RPS6KA5: variants seen among roughly 807,000 people sequenced by gnomAD.
RPS6KA5 encodes ribosomal protein S6 kinase alpha-5.
Under a neutral mutation model 85.5 loss-of-function variants are expected in RPS6KA5, and 27 were observed. The observed-to-expected ratio is 0.32, with a 90% CI of 0.23 to 0.44. The LOEUF (loss-of-function observed/expected upper bound fraction) is 0.44. Ranked by LOEUF, RPS6KA5 falls within the 20% of genes least tolerant of loss-of-function variation. The probability of loss-of-function intolerance (pLI) is 1.00; values close to 1 mark genes in which losing one functional copy is unlikely to be tolerated. For synonymous variants in RPS6KA5, 334 were observed against 348.2 expected, an observed-to-expected ratio of 0.96 and a Z score of 0.46; for missense variants, 811 against 980.9, an observed-to-expected ratio of 0.83 and a Z score of 2.31.
At chr14:91,037,489 C>T (rs189065233) in intron 1 of RPS6KA5, among the ~76,000 whole-genome samples, 113 of 152,328 alleles carry the variant, frequency 7.4e-4, no homozygotes, top group African/African-American at 2.5e-3. Context: ...CTATCAACTC[C>T]AGCCTGTGTC....
intron 7 of RPS6KA5, among the ~76,000 whole-genome samples, chr14:90,919,735 AAAG>A (rs2036302787): frequency 6.6e-6 from 1 of 152,168 alleles, no homozygotes; most frequent in Non-Finnish European, 1.5e-5. Context: ...CTCTGAAAGA[AAAG>A]AAGAGAATAA....
At chr14:90,976,850 A>T (rs1173136910) in intron 3 of RPS6KA5, among the ~76,000 whole-genome samples, 1 of 152,232 alleles carries the variant, frequency 6.6e-6, no homozygotes, top group Admixed American at 6.5e-5. Flanking sequence ...ATGGCTCAAA[A>T]GGTGAATGCA....
At chr14:90,991,231 A>G (rs1486776489) in intron 2 of RPS6KA5, among the ~76,000 whole-genome samples, 1 of 152,252 alleles carries the variant, frequency 6.6e-6, no homozygotes, top group African/African-American at 2.4e-5. Flanking sequence ...AGCATATGAT[A>G]TTAAAATGCA....
In RPS6KA5 at chr14:90,859,306, C is replaced by A. The variant is rs1248370952; in HGVS notation, c.*12768G>T. On this transcript the variant is annotated 3_prime_UTR_variant, in exon 17 of 17. Coordinates refer to ENST00000614987, the MANE Select transcript of RPS6KA5 (RefSeq NM_004755.4). The stretch of plus-strand genomic sequence containing the variant: ...CGTTCAAAGCCCCTACAGTATTTAA[C>A]ACACAATGTATGACATTTCACCAAA... 6.6e-6 allele frequency: 1 copy of A among 152,194 alleles called. No individual in the cohort carries two copies. The highest frequency in any genetic ancestry group is 6.5e-5 in the Admixed American group (1 of 15,268). 9.4% of individuals were successfully genotyped at this position (152,194 alleles called of 1,614,324 possible).
intron 3 of RPS6KA5, among the ~76,000 whole-genome samples, chr14:90,953,818 C>T (rs1207048251): frequency 2.6e-5 from 4 of 152,106 alleles, no homozygotes; most frequent in South Asian, 4.1e-4. Flanking sequence ...GTGGTCAGAC[C>T]GGTTCTCTGC....
rs34947711 is a variant in RPS6KA5 at position 90,887,945 on chromosome 14, C to CAAA, written c.1836+2539_1836+2541dup. Among the ~76,000 whole-genome samples, 26 of 42,758 alleles carry CAAA rather than the reference C, an allele frequency of 6.1e-4. No homozygotes were observed. The East Asian group carries it at 0.014, about 23-fold the overall frequency. The allele number at this position is 42,758 out of a possible 152,430, so 28.1% of individuals were successfully genotyped here. A position where few individuals can be genotyped will look rare whatever the true frequency, so the allele number is the denominator to read the frequency against. On this transcript the variant is annotated intron_variant, in intron 14 of 16. Transcript: ENST00000614987. ...CCTGGGCGACAGAGGGAGGCTATCG[C>CAAA]AAAAAAAAAAAAAAAAAAAAAAAAA...
chr14:90,992,193 C>A (rs569935087), intron 2 of RPS6KA5, among the ~76,000 whole-genome samples: 1 of 152,102 alleles, frequency 6.6e-6, no homozygotes, highest in African/African-American at 2.4e-5. Flanking sequence ...AAAGCTTCCA[C>A]CTACTCCATT....
At chr14:90,964,782 G>A (rs909662605) in intron 3 of RPS6KA5, among the ~76,000 whole-genome samples, 3 of 151,686 alleles carry the variant, frequency 2.0e-5, no homozygotes, top group African/African-American at 7.3e-5. Flanking sequence ...AGGAGTGGTG[G>A]TGTGCACCTA....
intron 15 of RPS6KA5, 50 bp from the exon 16 acceptor site, chr14:90,873,845 T>A (rs2033282546): frequency 1.3e-6 from 2 of 1,526,280 alleles, no homozygotes; most frequent in Non-Finnish European, 1.8e-6. Context: ...TAAACATGGT[T>A]TAAAAACAAA....
chr14:90,949,242 C>T (rs1039658265), intron 3 of RPS6KA5, among the ~76,000 whole-genome samples: 14 of 152,290 alleles, frequency 9.2e-5, no homozygotes, highest in African/African-American at 1.4e-4. Flanking sequence ...GAAAGAAGCA[C>T]GCATATATCA....
intron 5 of RPS6KA5, among the ~76,000 whole-genome samples, chr14:90,926,249 T>C (rs990761906): frequency 2.7e-5 from 4 of 150,794 alleles, no homozygotes; most frequent in African/African-American, 9.7e-5. Flanking sequence ...CTACTAAAAA[T>C]GCATGGTGGC....
At chr14:90,930,026 A>G (rs2140315944) in intron 5 of RPS6KA5, among the ~76,000 whole-genome samples, 1 of 152,258 alleles carries the variant, frequency 6.6e-6, no homozygotes, top group African/African-American at 2.4e-5. Context: ...ATGCACCAAC[A>G]CACTCAACTA....
At chr14:91,026,193 C>T (rs1309844637) in intron 1 of RPS6KA5, among the ~76,000 whole-genome samples, 2 of 152,130 alleles carry the variant, frequency 1.3e-5, no homozygotes, top group Admixed American at 6.5e-5. Flanking sequence ...TTTTTATAGC[C>T]GCATATTCCA....
Position 90,923,093 on chromosome 14 carries a change from G to C in RPS6KA5, c.702+20C>G. 6.5e-7 allele frequency: 1 copy of C among 1,528,406 alleles called. No individual in the cohort carries two copies. Among genetic ancestry groups the C allele is most frequent in the East Asian group, 2.3e-5 (1 of 44,390 alleles). 94.7% of individuals were successfully genotyped at this position (1,528,406 alleles called of 1,614,324 possible). ...ACATTTTATAGAAATACATAAAGAAGCATCAAAAATAGAACATACCTTGTC... is the reference window on the plus strand; with the variant it reads ...ACATTTTATAGAAATACATAAAGAACCATCAAAAATAGAACATACCTTGTC... On this transcript the variant is annotated intron_variant, in intron 6 of 16. Coordinates refer to ENST00000614987, the MANE Select transcript of RPS6KA5 (RefSeq NM_004755.4).
At chr14:90,908,342 G>A (rs2035623833) in intron 7 of RPS6KA5, among the ~76,000 whole-genome samples, 1 of 152,228 alleles carries the variant, frequency 6.6e-6, no homozygotes, top group Non-Finnish European at 1.5e-5. Flanking sequence ...GCGGAAAACA[G>A]TGCTGATGAG....
intron 1 of RPS6KA5, among the ~76,000 whole-genome samples, chr14:91,034,194 A>T (rs955097070): frequency 6.6e-6 from 1 of 151,980 alleles, no homozygotes; most frequent in African/African-American, 2.4e-5. Flanking sequence ...AGTCCCAGCT[A>T]CTTGGGAGGC....
In RPS6KA5 at chr14:90,902,883, A is replaced by G. The variant is rs753836236; in HGVS notation, c.1044T>C (p.Phe348=). Reference sequence around the variant, plus strand: ...GATCCATTTCTGTGAACTCTTCTGCAAAGTTACTCACATCTAATTCATCTC... The same window carrying G: ...GATCCATTTCTGTGAACTCTTCTGCGAAGTTACTCACATCTAATTCATCTC... The part of the protein sequence containing the change: ...VIRDELDVSN[F]AEEFTEMDPT... The change falls in exon 9 of 17, where the codon TTT becomes TTC. Residue 348 remains phenylalanine (F), a synonymous_variant. Transcript: ENST00000614987. 1.9e-6 allele frequency: 3 copies of G among 1,614,140 alleles called. No individual in the cohort carries two copies. The highest frequency in any genetic ancestry group is 2.2e-5 in the South Asian group (2 of 91,088).
At chr14:90,942,180 T>G (rs1053398778) in intron 5 of RPS6KA5, among the ~76,000 whole-genome samples, 5 of 152,192 alleles carry the variant, frequency 3.3e-5, no homozygotes, top group Non-Finnish European at 4.4e-5. Context: ...TCTTTAATTT[T>G]TATAATTTCA....
At chr14:91,041,725 G>A (rs2042611776) in intron 1 of RPS6KA5, among the ~76,000 whole-genome samples, 1 of 152,162 alleles carries the variant, frequency 6.6e-6, no homozygotes, top group South Asian at 2.1e-4. Flanking sequence ...TCTGCTGGAG[G>A]CAGAACCAAG....
Sources: gnomAD v4.1 joint callset for allele counts (sites outside exome capture counted in the v4.1 genomes callset) on GRCh38, gnomAD v4.1.1 for gene constraint, MANE v1.5 for transcripts, NCBI Gene and HGNC (gene_info 2026-07-23, HGNC 2026-07-21) for gene names.